The following LIPA variants were observed in gnomAD, a reference collection of about 807,000 sequenced individuals.
LIPA encodes the protein lipase A, lysosomal acid type.
In LIPA, 26 loss-of-function variants were observed where a neutral mutation model predicts 40.6. The ratio of observed to expected loss-of-function variants is 0.64; its 90% CI spans 0.47 to 0.89. The LOEUF (loss-of-function observed/expected upper bound fraction) is 0.89, where lower values mean the gene tolerates loss of function less well. Among genes scored for constraint, LIPA ranks in the 40% least tolerant of loss-of-function variants. LIPA has a pLI of 0.00. For missense variants in LIPA, 455 were observed against 479.6 expected (o/e 0.95, Z 0.48); for synonymous variants, 188 against 168.4 (o/e 1.12, Z -0.90).
At chr10:89,350,943 T>C (rs1843955202) in intron 2 of LIPA, among the ~76,000 whole-genome samples, 1 of 152,128 alleles carries the variant, frequency 6.6e-6, no homozygotes, top group South Asian at 2.1e-4. Context: ...ACTGAGTTTT[T>C]GCTTACACAC....
At chr10:89,383,733 G>A in intron 2 of LIPA, 1 of 1,614,230 alleles carries the variant, frequency 6.2e-7, no homozygotes, top group Non-Finnish European at 8.5e-7. Context: ...AGTGTCCAGA[G>A]GTGGACTGTG....
chr10:89,374,343 ACT>A (rs10658637), intron 2 of LIPA, among the ~76,000 whole-genome samples: 51 of 147,122 alleles, frequency 3.5e-4, no homozygotes, highest in Admixed American at 6.8e-4. Flanking sequence ...ACACACACAC[ACT>A]CTCTCTCTCT....
rs142793743 is a variant in LIPA, at chr10:89,332,332, A to C, written c.-2+10279T>G. Reference sequence around the variant, plus strand: ...CACATTTGGAAGCTTCTAAAATTTTATTTTCTTTTTACAGTGCCTTTTTAC... The same window carrying C: ...CACATTTGGAAGCTTCTAAAATTTTCTTTTCTTTTTACAGTGCCTTTTTAC... On this transcript the variant is annotated intron_variant, in intron 1 of 5. Coordinates refer to the LIPA transcript ENST00000282673. 1.2e-5 allele frequency: 3 copies of C among 244,066 alleles called. No individual in the cohort carries two copies. The East Asian group carries it at 5.4e-4, about 44-fold the overall frequency. The allele number at this position is 244,066 out of a possible 1,614,324, so 15.1% of individuals were successfully genotyped here. A position where few individuals can be genotyped will look rare whatever the true frequency, so the allele number is the denominator to read the frequency against.
At chr10:89,249,205 C>T (rs192428078) in intron 1 of LIPA, among the ~76,000 whole-genome samples, 3 of 152,256 alleles carry the variant, frequency 2.0e-5, no homozygotes, top group South Asian at 2.1e-4. Context: ...AAATTTGACC[C>T]GTCTCTCTCC....
chr10:89,229,265 C>T (rs768481523), intron 3 of LIPA, among the ~76,000 whole-genome samples: 2 of 152,166 alleles, frequency 1.3e-5, no homozygotes, highest in Non-Finnish European at 2.9e-5. Context: ...TTCTATATGA[C>T]ATGCTGGAAA....
At chr10:89,357,310 G>A (rs911357953) in intron 2 of LIPA, among the ~76,000 whole-genome samples, 2 of 152,216 alleles carry the variant, frequency 1.3e-5, no homozygotes, top group African/African-American at 4.8e-5. Context: ...AAAGGACACA[G>A]GACAAACCTG....
At chr10:89,398,541 G>A (rs970867882) in intron 2 of LIPA, among the ~76,000 whole-genome samples, 2 of 152,160 alleles carry the variant, frequency 1.3e-5, no homozygotes, top group African/African-American at 2.4e-5. Flanking sequence ...GACAGACCCG[G>A]CACCCTAGTC....
At chr10:89,347,523 T>G (rs1002953548), upstream of LIPA, among the ~76,000 whole-genome samples, 1 of 152,226 alleles carries the variant, frequency 6.6e-6, no homozygotes, top group Non-Finnish European at 1.5e-5. Context: ...GATAACAGTT[T>G]CAAACTTGCC....
At chr10:89,300,229 G>A (rs1468331078) in intron 1 of LIPA, among the ~76,000 whole-genome samples, 1 of 152,172 alleles carries the variant, frequency 6.6e-6, no homozygotes, top group East Asian at 1.9e-4. Flanking sequence ...TTATCTCATG[G>A]ACATTGAGAA....
intron 3 of LIPA, among the ~76,000 whole-genome samples, chr10:89,243,966 C>G (rs754525235): frequency 6.6e-6 from 1 of 151,986 alleles, no homozygotes; most frequent in Non-Finnish European, 1.5e-5. Flanking sequence ...AATCAGTATA[C>G]AGGGGTTATT....
intron 2 of LIPA, among the ~76,000 whole-genome samples, chr10:89,355,412 T>C (rs1843983625): frequency 1.3e-5 from 2 of 152,264 alleles, no homozygotes; most frequent in Non-Finnish European, 2.9e-5. Context: ...GATACAATTT[T>C]TGCAAAGATG....
At chr10:89,406,807 G>A (rs548361330) in intron 2 of LIPA, among the ~76,000 whole-genome samples, 28 of 152,316 alleles carry the variant, frequency 1.8e-4, no homozygotes, top group African/African-American at 6.5e-4. Context: ...GCGAGACCAA[G>A]AACCCACTGG....
At chr10:89,384,066 CTA>C in intron 2 of LIPA, 1 of 1,614,170 alleles carries the variant, frequency 6.2e-7, no homozygotes, top group Non-Finnish European at 8.5e-7. Flanking sequence ...CTTCACAGGC[CTA>C]TGTCTTTCAA....
intron 3 of LIPA, among the ~76,000 whole-genome samples, chr10:89,232,421 G>A (rs1842853183): frequency 2.0e-5 from 3 of 152,338 alleles, no homozygotes; most frequent in South Asian, 2.1e-4. Flanking sequence ...GACTGCAATC[G>A]TCTTCCCTCA....
intron 1 of LIPA, among the ~76,000 whole-genome samples, chr10:89,312,255 G>A (rs1205602787): frequency 6.6e-6 from 1 of 152,076 alleles, no homozygotes; most frequent in Non-Finnish European, 1.5e-5. Context: ...AGCCTGGACA[G>A]CATGGTGAAA....
chr10:89,256,531 G>A (rs1392006040), upstream of LIPA, among the ~76,000 whole-genome samples: 2 of 152,204 alleles, frequency 1.3e-5, no homozygotes, highest in African/African-American at 4.8e-5. Flanking sequence ...CCAGGCAAGT[G>A]CCAATGACAG....
intron 2 of LIPA, chr10:89,404,358 C>G (rs1844495311): frequency 6.6e-6 from 1 of 152,344 alleles, no homozygotes; most frequent in Admixed American, 6.5e-5. Flanking sequence ...TGGTTCTGGC[C>G]AGTCCATGGA....
intron 1 of LIPA, chr10:89,328,100 A>T (rs1306895987): frequency 6.2e-7 from 1 of 1,612,978 alleles, no homozygotes; most frequent in Non-Finnish European, 8.5e-7. Context: ...AAGAATGCAT[A>T]ATCATGCTTG....
intron 1 of LIPA, among the ~76,000 whole-genome samples, chr10:89,330,325 A>T (rs1447577986): frequency 6.6e-6 from 1 of 152,240 alleles, no homozygotes; most frequent in African/African-American, 2.4e-5. Flanking sequence ...CTTGCCCAAG[A>T]CATCAGATAG....
Sources: allele counts gnomAD v4.1 joint callset (sites outside exome capture counted in the v4.1 genomes callset), GRCh38; gene constraint gnomAD v4.1.1; transcripts MANE v1.5; gene names NCBI Gene and HGNC (gene_info 2026-07-23, HGNC 2026-07-21).